GALNT18: variants seen among roughly 807,000 people sequenced by gnomAD.
GALNT18 encodes the protein polypeptide N-acetylgalactosaminyltransferase 18.
A neutral mutation model predicts 69.5 loss-of-function variants in GALNT18; 44 were observed. The observed-to-expected ratio is 0.63, with a 90% CI of 0.50 to 0.81. The LOEUF is 0.81. Among genes scored for constraint, GALNT18 ranks in the 40% least tolerant of loss-of-function variants. The probability of loss-of-function intolerance (pLI) is 0.00; values close to 1 mark genes in which losing one functional copy is unlikely to be tolerated. For synonymous variants in GALNT18, 364 were observed against 318.2 expected (o/e 1.14, Z -1.53); for missense variants, 715 against 810.0 (o/e 0.88, Z 1.42).
At chr11:11,551,702 G>A (rs1237985367) in intron 1 of GALNT18, among the ~76,000 whole-genome samples, 1 of 152,214 alleles carries the variant, frequency 6.6e-6, no homozygotes, top group Non-Finnish European at 1.5e-5. Context: ...ACGCTTCCAT[G>A]TGAAGAGACC....
Position 11,372,702 on chromosome 11 carries a change from T to C in GALNT18, c.978-73A>G. 1 of 1,127,778 alleles carries C rather than the reference T, an allele frequency of 8.9e-7. No homozygotes were observed. The highest frequency in any genetic ancestry group is 1.3e-5 in the South Asian group (1 of 78,852). The allele number at this position is 1,127,778 out of a possible 1,614,324, so 69.9% of individuals were successfully genotyped here. A position where few individuals can be genotyped will look rare whatever the true frequency, so the allele number is the denominator to read the frequency against. ...AGGAGTAAGAGCAGTAAGGCCTTCC[T>C]ATCAGGAGGGTCTGGTTCTCTTCCT... On this transcript the variant is annotated intron_variant, in intron 5 of 10. Coordinates refer to ENST00000227756, the MANE Select transcript of GALNT18 (RefSeq NM_198516.3). The surrounding 1 kb of genome is among the most constrained non-coding windows in gnomAD (Gnocchi z 4.9).
At chr11:11,282,084 T>C (rs1849088731) in intron 10 of GALNT18, among the ~76,000 whole-genome samples, 1 of 152,156 alleles carries the variant, frequency 6.6e-6, no homozygotes, top group African/African-American at 2.4e-5. Context: ...GTTTAAAACT[T>C]GCTTAAACTT....
intron 9 of GALNT18, among the ~76,000 whole-genome samples, chr11:11,321,817 C>T (rs1280922830): frequency 6.6e-6 from 1 of 152,158 alleles, no homozygotes; most frequent in Admixed American, 6.5e-5. Context: ...GTTGGCTAGG[C>T]TGGTCTCGAA....
At chr11:11,375,352 A>T (rs1194809726) in intron 5 of GALNT18, among the ~76,000 whole-genome samples, 1 of 152,236 alleles carries the variant, frequency 6.6e-6, no homozygotes, top group Admixed American at 6.5e-5. Flanking sequence ...TTGAGATGAC[A>T]TTGTCTGGCA....
intron 9 of GALNT18, among the ~76,000 whole-genome samples, chr11:11,298,909 C>T (rs374598614): frequency 2.6e-5 from 4 of 152,316 alleles, no homozygotes; most frequent in African/African-American, 9.6e-5. Flanking sequence ...ACCAAAGAGC[C>T]TTTGCAAACA....
intron 3 of GALNT18, among the ~76,000 whole-genome samples, chr11:11,427,550 C>T (rs1855161751): frequency 6.6e-6 from 1 of 152,174 alleles, no homozygotes; most frequent in African/African-American, 2.4e-5. Flanking sequence ...ATTGTGTTAT[C>T]TCATTCAAGC....
chr11:11,605,333 C>T lies in GALNT18; in HGVS notation c.235+16026G>A, dbSNP rs1859723876. On this transcript the variant is annotated intron_variant, in intron 1 of 10. Coordinates refer to ENST00000227756, the MANE Select transcript of GALNT18 (RefSeq NM_198516.3). The surrounding 1 kb of genome is among the most constrained non-coding windows in gnomAD (Gnocchi z 4.7). ...ATTTCCACAGGCAAGCAAGAAACAC[C>T]CTCTTCTGATCTCCGGGTTGCCCTC... is the stretch of plus-strand genomic sequence containing the variant. Among the ~76,000 whole-genome samples, 1 of 152,136 alleles carries T rather than the reference C, an allele frequency of 6.6e-6. No individual in the cohort carries two copies. Among genetic ancestry groups the T allele is most frequent in the African/African-American group, 2.4e-5 (1 of 41,422 alleles).
Position 11,621,379 on chromosome 11 carries a change from A to G in GALNT18, c.215T>C (p.Val72Ala). The change falls in exon 1 of 11, where the codon GTC becomes GCC. Residue 72 changes from valine (V) to alanine (A), a missense_variant. By Grantham distance (64) the Val-to-Ala change is moderately conservative. Coordinates refer to ENST00000227756, the MANE Select transcript of GALNT18 (RefSeq NM_198516.3). This position sits in a 1 kb window ranked among gnomAD's most constrained non-coding sequence, Gnocchi z 9.3. ...CGTACCTTGAATGTGCTGCTTGATG[A>G]CATTCTCCAGGTGGTCCAGCCGCTC... is the stretch of plus-strand genomic sequence containing the variant. ...IIERLDHLEN[V>A]IKQHIQEAPA... is the part of the protein sequence containing the mutation. 6.2e-7 allele frequency: 1 copy of G among 1,613,810 alleles called. No individual in the cohort carries two copies.
intron 1 of GALNT18, among the ~76,000 whole-genome samples, chr11:11,520,493 T>C (rs930072712): frequency 6.6e-6 from 1 of 152,204 alleles, no homozygotes; most frequent in Non-Finnish European, 1.5e-5. Flanking sequence ...AGATGTTCCA[T>C]GCCACTCACC....
At position 11,416,385 on chromosome 11, in the gene GALNT18, G is replaced by A. The variant is rs1310517683; in HGVS notation, c.595+16236C>T. Among the ~76,000 whole-genome samples the A allele has an allele frequency of 2.6e-5, 4 of 152,098 alleles. No homozygotes were observed. In the East Asian group the frequency reaches 7.7e-4, roughly 29 times the overall value. ...AGGATCCTTCAGTCAATTTCCTCCC[G>A]AGACCAGGGTCGGGACACCCTGCCA... On this transcript the variant is annotated intron_variant, in intron 3 of 10. Coordinates refer to ENST00000227756, the MANE Select transcript of GALNT18 (RefSeq NM_198516.3).
intron 9 of GALNT18, among the ~76,000 whole-genome samples, chr11:11,304,017 C>T (rs558228150): frequency 1.3e-5 from 2 of 152,316 alleles, no homozygotes; most frequent in African/African-American, 4.8e-5. Context: ...CTCTGGGACT[C>T]TGCCACCCTG....
Position 11,332,015 on chromosome 11 carries a change from CT to C in GALNT18, c.1416+678del, listed in dbSNP as rs1280101496. Among the ~76,000 whole-genome samples the C allele has an allele frequency of 1.3e-5, 2 of 152,050 alleles. No homozygotes were observed. The highest frequency in any genetic ancestry group is 6.6e-5 in the Admixed American group (1 of 15,266). ...TACATATCTACAAATCTTAGATTTT[CT>C]TTTACTCTACGGGGATAGTATTGAA... On this transcript the variant is annotated intron_variant, in intron 8 of 10. Coordinates refer to ENST00000227756, the MANE Select transcript of GALNT18 (RefSeq NM_198516.3). This position sits in a 1 kb window ranked among gnomAD's most constrained non-coding sequence, Gnocchi z 4.3.
At chr11:11,530,093 C>T (rs919248394) in intron 1 of GALNT18, among the ~76,000 whole-genome samples, 3 of 152,118 alleles carry the variant, frequency 2.0e-5, no homozygotes, top group Non-Finnish European at 4.4e-5. Context: ...CCATCCCCTC[C>T]TCCCCAACAC....
chr11:11,327,234 A>G, intron 8 of GALNT18, 53 bp from the exon 9 acceptor site: 1 of 1,282,080 alleles, frequency 7.8e-7, no homozygotes, highest in South Asian at 1.2e-5. Flanking sequence ...CAGAGAGAGC[A>G]AATGAATTAA....
intron 1 of GALNT18, among the ~76,000 whole-genome samples, chr11:11,464,316 G>A (rs1037014342): frequency 2.0e-5 from 3 of 152,200 alleles, no homozygotes; most frequent in Non-Finnish European, 4.4e-5. Flanking sequence ...CGGGAGACTC[G>A]AGGTCTCCTA....
At position 11,317,679 on chromosome 11, in the gene GALNT18, G is replaced by A. The variant is rs920445763; in HGVS notation, c.1512+9407C>T. Among the ~76,000 whole-genome samples the A allele has an allele frequency of 5.3e-5, 8 of 152,254 alleles. No homozygotes were observed. In the South Asian group the frequency reaches 1.2e-3, roughly 24 times the overall value. On this transcript the variant is annotated intron_variant, in intron 9 of 10. Transcript: ENST00000227756. ...GTTTGTGAATATTTTCTCCCATTCC[G>A]TAGGTTGTCTGTTTACTCTGTTAAT...
At position 11,601,931 on chromosome 11, in the gene GALNT18, C is replaced by A. The variant is rs1220608947; in HGVS notation, c.235+19428G>T. Among the ~76,000 whole-genome samples the A allele has an allele frequency of 6.6e-6, 1 of 152,184 alleles. No individual in the cohort carries two copies. Among genetic ancestry groups the A allele is most frequent in the African/African-American group, 2.4e-5 (1 of 41,438 alleles). ...ATTACTGTGTTGATAGGAGAACTTACTGTGCTAGGTCGTCTAGCTGGCCTA... is the reference window on the plus strand; with the variant it reads ...ATTACTGTGTTGATAGGAGAACTTAATGTGCTAGGTCGTCTAGCTGGCCTA... On this transcript the variant is annotated intron_variant, in intron 1 of 10. Coordinates refer to ENST00000227756, the MANE Select transcript of GALNT18 (RefSeq NM_198516.3). This position sits in a 1 kb window ranked among gnomAD's most constrained non-coding sequence, Gnocchi z 4.0.
rs1589967914 is a variant in GALNT18, at chr11:11,396,834, T to A, written c.596-17570A>T. ...TCAGTGGGGAGGAAAATAGGGAGGG[T>A]CTTGGCTGCCAAAGGAAAGGCTTTC... On this transcript the variant is annotated intron_variant, in intron 3 of 10. Transcript: ENST00000227756. The surrounding 1 kb of genome is among the most constrained non-coding windows in gnomAD (Gnocchi z 5.2). Among the ~76,000 whole-genome samples, 1 of 151,442 alleles carries A rather than the reference T, an allele frequency of 6.6e-6. No homozygotes were observed. The highest frequency in any genetic ancestry group is 6.6e-5 in the Admixed American group (1 of 15,180).
At chr11:11,520,867 AG>A (rs770656167) in intron 1 of GALNT18, among the ~76,000 whole-genome samples, 7 of 152,116 alleles carry the variant, frequency 4.6e-5, no homozygotes, top group Non-Finnish European at 7.4e-5. Flanking sequence ...TAGGCAGCTG[AG>A]GCTTCTGCAG....
Sources: gnomAD v4.1 joint callset for allele counts (sites outside exome capture counted in the v4.1 genomes callset) on GRCh38, gnomAD v4.1.1 for gene constraint, Gnocchi (gnomAD v3.1) non-coding constraint, MANE v1.5 for transcripts, NCBI Gene and HGNC (gene_info 2026-07-23, HGNC 2026-07-21) for gene names.